Variants in ZNF536 observed in about 807,000 individuals in gnomAD.
ZNF536 encodes zinc finger protein 536.
In ZNF536, 13 loss-of-function variants were observed where a neutral mutation model predicts 84.5. The observed-to-expected ratio is 0.15, with a 90% confidence interval of 0.10 to 0.24. The LOEUF is 0.24. Among genes scored for constraint, ZNF536 ranks in the 10% least tolerant of loss-of-function variants. ZNF536 has a pLI of 1.00. For missense variants in ZNF536, 1,536 were observed against 1,747.5 expected, an observed-to-expected ratio of 0.88 and a Z score of 2.16; for synonymous variants, 811 against 742.5, an observed-to-expected ratio of 1.09 and a Z score of -1.50.
intron 1 of ZNF536, among the ~76,000 whole-genome samples, chr19:30,253,398 T>A (rs950912489): frequency 2.0e-5 from 3 of 152,232 alleles, no homozygotes; most frequent in Admixed American, 6.5e-5. Flanking sequence ...CAATTCATCA[T>A]ATCAATGCGA....
At chr19:30,595,133 A>G (rs2047415505) in intron 1 of ZNF536, among the ~76,000 whole-genome samples, 1 of 152,152 alleles carries the variant, frequency 6.6e-6, no homozygotes, top group African/African-American at 2.4e-5. Context: ...AGGCCAGAGT[A>G]GTTCAGCTAG....
rs1318835949 is a variant in ZNF536 at position 30,548,711 on chromosome 19, A to G, written c.3092A>G (p.Lys1031Arg). 6.2e-7 allele frequency: 1 copy of G among 1,614,040 alleles called. No homozygotes were observed. The highest frequency in any genetic ancestry group is 1.1e-5 in the South Asian group (1 of 91,082). ...AACCACCTGGGCAAAGCGAAACGCA[A>G]AGATAACACCATCGGGGTCACAGTC... Reference protein sequence around the residue: ...QANHLGKAKRKDNTIGVTVNC... With the variant: ...QANHLGKAKRRDNTIGVTVNC... Residue 1031 changes from lysine (K) to arginine (R), a missense_variant, in exon 4 of 5, where the codon AAA becomes AGA. Lys to Arg is a conservative substitution (Grantham distance 26). Coordinates refer to ENST00000355537, the MANE Select transcript of ZNF536 (RefSeq NM_014717.3).
rs529482948 is a variant in ZNF536, at chr19:30,586,999, G to A, written c.169+37485G>A. Among the ~76,000 whole-genome samples the A allele has an allele frequency of 2.6e-5, 4 of 152,044 alleles. No individual in the cohort carries two copies. In the East Asian group the frequency reaches 7.8e-4, roughly 29 times the overall value. Reference sequence around the variant, plus strand: ...TGCTTACTTTAGCTTATTCTATAAGGGACTCTCTAAGAACAACTAAAAAGA... The same window carrying A: ...TGCTTACTTTAGCTTATTCTATAAGAGACTCTCTAAGAACAACTAAAAAGA... On this transcript the variant is annotated intron_variant, in intron 1 of 1. Transcript: ENST00000592773.
chr19:30,708,419 G>A (rs2052335038), intron 1 of ZNF536, among the ~76,000 whole-genome samples: 1 of 152,214 alleles, frequency 6.6e-6, no homozygotes, highest in South Asian at 2.1e-4. Context: ...TTTTAGGATT[G>A]AGCCATGAAA....
chr19:30,429,986 G>A (rs1055090285), intron 1 of ZNF536, among the ~76,000 whole-genome samples: 2 of 151,964 alleles, frequency 1.3e-5, no homozygotes, highest in Non-Finnish European at 2.9e-5. Context: ...GGTGAGGCAC[G>A]GGCTGTGAAA....
chr19:30,707,267 A>G (rs1600345877), intron 1 of ZNF536, among the ~76,000 whole-genome samples: 1 of 152,242 alleles, frequency 6.6e-6, no homozygotes, highest in East Asian at 1.9e-4. Context: ...ATTGCCTCTG[A>G]TTGGCATCCT....
rs768334182 is a variant in ZNF536, at chr19:30,549,297, C to G, written c.3678C>G (p.Ser1226=). 4 of 1,613,228 alleles carry G rather than the reference C, an allele frequency of 2.5e-6. No individual in the cohort carries two copies. The Admixed American group carries it at 6.7e-5, about 27-fold the overall frequency. The change falls in exon 4 of 5, where the codon TCC becomes TCG. Residue 1226 remains serine, a synonymous_variant. Coordinates refer to ENST00000355537, the MANE Select transcript of ZNF536 (RefSeq NM_014717.3). ...QPVQGLVSPL[S]QAPEKQWHSQ... is the part of the protein sequence containing the mutation. ...TCCAGGGACTGGTCTCACCTTTATC[C>G]CAAGCACCGGAGAAGCAGTGGCACA...
At chr19:30,335,451 CTG>C (rs1280284413) in intron 2 of ZNF536, among the ~76,000 whole-genome samples, 1 of 152,138 alleles carries the variant, frequency 6.6e-6, no homozygotes. Context: ...CCCACGTGGT[CTG>C]TGTGTTTTGG....
upstream of ZNF536, among the ~76,000 whole-genome samples, chr19:30,370,495 G>A (rs552134037): frequency 3.9e-5 from 6 of 152,186 alleles, no homozygotes; most frequent in South Asian, 8.3e-4. Context: ...GATTGCTGGC[G>A]GAACACTATT....
intron 2 of ZNF536, among the ~76,000 whole-genome samples, chr19:30,314,961 C>G (rs1256446443): frequency 6.6e-6 from 1 of 152,194 alleles, no homozygotes; most frequent in African/African-American, 2.4e-5. Flanking sequence ...GCCTAAATGG[C>G]ATGTCTCAGC....
chr19:30,368,506 C>G (rs1032244085), upstream of ZNF536, among the ~76,000 whole-genome samples: 4 of 152,364 alleles, frequency 2.6e-5, no homozygotes, highest in East Asian at 5.8e-4. Flanking sequence ...CCATCAGTGT[C>G]TGAGGTTGTG....
At chr19:30,310,216 CA>C (rs2046457435) in intron 2 of ZNF536, among the ~76,000 whole-genome samples, 1 of 152,196 alleles carries the variant, frequency 6.6e-6, no homozygotes, top group East Asian at 1.9e-4. Flanking sequence ...GTTATAAAAA[CA>C]GAACAATACT....
intron 2 of ZNF536, among the ~76,000 whole-genome samples, chr19:30,484,876 G>A (rs1045278424): frequency 6.6e-6 from 1 of 151,926 alleles, no homozygotes; most frequent in Non-Finnish European, 1.5e-5. Flanking sequence ...GGGCGCGGTG[G>A]CTCACGCCTG....
At chr19:30,413,953 C>T (rs770020991) in intron 1 of ZNF536, among the ~76,000 whole-genome samples, 5 of 151,946 alleles carry the variant, frequency 3.3e-5, no homozygotes, top group East Asian at 1.9e-4. Context: ...ATTAGCTAGG[C>T]GTGGCGGCGG....
At chr19:30,542,772 T>G (rs1339640050) in intron 3 of ZNF536, among the ~76,000 whole-genome samples, 1 of 152,142 alleles carries the variant, frequency 6.6e-6, no homozygotes. Flanking sequence ...TACTAATATT[T>G]AAAAATTAAG....
intron 1 of ZNF536, among the ~76,000 whole-genome samples, chr19:30,282,750 C>G (rs2045494630): frequency 6.6e-6 from 1 of 151,858 alleles, no homozygotes; most frequent in African/African-American, 2.4e-5. Context: ...TTCCTCACTC[C>G]TTAGATTTTG....
At chr19:30,497,033 T>C (rs950548388) in intron 2 of ZNF536, among the ~76,000 whole-genome samples, 1 of 152,036 alleles carries the variant, frequency 6.6e-6, no homozygotes, top group Non-Finnish European at 1.5e-5. Flanking sequence ...AGAGAGATGA[T>C]TATGGGCCAA....
chr19:30,647,282 T>C (rs1160288536), intron 1 of ZNF536, among the ~76,000 whole-genome samples: 2 of 152,228 alleles, frequency 1.3e-5, no homozygotes, highest in African/African-American at 4.8e-5. Flanking sequence ...GTTTAATTTC[T>C]TTGATCTCCC....
At chr19:30,347,997 T>C (rs899845588) in intron 2 of ZNF536, among the ~76,000 whole-genome samples, 3 of 152,248 alleles carry the variant, frequency 2.0e-5, no homozygotes, top group East Asian at 3.8e-4. Context: ...ATGTGTGTAC[T>C]TGTTGATGAC....
Sources: allele counts gnomAD v4.1 joint callset (sites outside exome capture counted in the v4.1 genomes callset), GRCh38; gene constraint gnomAD v4.1.1; transcripts MANE v1.5; gene names NCBI Gene and HGNC (gene_info 2026-07-23, HGNC 2026-07-21).